The following STOX1 variants were observed in gnomAD, a reference collection of about 807,000 sequenced individuals.
The protein encoded by STOX1 is storkhead box 1.
Under a neutral mutation model 74.8 loss-of-function variants are expected in STOX1, and 57 were observed. The ratio of observed to expected loss-of-function variants is 0.76; its 90% confidence interval spans 0.62 to 0.95. The LOEUF is 0.95. Among genes scored for constraint, STOX1 ranks in the 40% least tolerant of loss-of-function variants. The pLI is 0.00. For missense variants in STOX1, 1,010 were observed against 1,117.0 expected (o/e 0.90, Z 1.37); for synonymous variants, 375 against 401.3 (o/e 0.93, Z 0.78).
intron 1 of STOX1, among the ~76,000 whole-genome samples, chr10:68,856,196 C>T (rs760926224): frequency 8.5e-5 from 13 of 152,096 alleles, no homozygotes; most frequent in African/African-American, 2.7e-4. Flanking sequence ...AGGTGTGAGC[C>T]ACTGCACCTG....
intron 1 of STOX1, among the ~76,000 whole-genome samples, chr10:68,858,023 G>C (rs1468289440): frequency 6.6e-6 from 1 of 152,104 alleles, no homozygotes; most frequent in Non-Finnish European, 1.5e-5. Context: ...AGATGTTGGA[G>C]CTCCTTTTCT....
intron 1 of STOX1, among the ~76,000 whole-genome samples, chr10:68,881,117 G>T (rs1201986643): frequency 6.6e-6 from 1 of 152,102 alleles, no homozygotes; most frequent in African/African-American, 2.4e-5. Context: ...TTGATTCCCA[G>T]ATCTCTTTCC....
In STOX1 at chr10:68,885,302, C is replaced by T. The variant is rs200280166; in HGVS notation, c.1506C>T (p.His502=). The T allele has an allele frequency of 9.8e-5, 158 of 1,614,182 alleles. No individual in the cohort carries two copies. Among genetic ancestry groups the T allele is most frequent in the East Asian group, 1.8e-4 (8 of 44,886 alleles). The change falls in exon 3 of 4, where the codon CAC becomes CAT. Residue 502 remains histidine (H), a synonymous_variant. Transcript: ENST00000298596. The stretch of plus-strand genomic sequence containing the variant: ...GTAATCCTTTCCAGGGTTTGTCTCA[C>T]CGAGGAAGCACAATATCCAAAGGGC... ...RISNPFQGLS[H]RGSTISKGHK...
intron 1 of STOX1, among the ~76,000 whole-genome samples, chr10:68,870,566 G>A (rs1335004799): frequency 6.6e-6 from 1 of 152,162 alleles, no homozygotes; most frequent in Non-Finnish European, 1.5e-5. Context: ...TTAGGTTATG[G>A]ACATTAAATT....
chr10:68,880,164 C>CTTTTTTTTTTTTTTTTTTTTTTT (rs71028800), intron 1 of STOX1, among the ~76,000 whole-genome samples: 12 of 124,414 alleles, frequency 9.6e-5, no homozygotes, highest in African/African-American at 1.7e-4. Flanking sequence ...TCTTTCTTTC[C>CTTTTTTTTTTTTTTTTTTTTTTT]TTTTTTTTTT....
chr10:68,843,954 G>A (rs1242847188), intron 1 of STOX1, among the ~76,000 whole-genome samples: 1 of 152,100 alleles, frequency 6.6e-6, no homozygotes, highest in East Asian at 2.0e-4. Flanking sequence ...GCCGAGGCGG[G>A]TGGATCACAA....
At chr10:68,894,128 C>T (rs1249560119), downstream of STOX1, among the ~76,000 whole-genome samples, 7 of 151,704 alleles carry the variant, frequency 4.6e-5, no homozygotes, top group African/African-American at 7.3e-5. Flanking sequence ...GGTGTAATCT[C>T]GGTTTACTGC....
intron 1 of STOX1, among the ~76,000 whole-genome samples, chr10:68,873,947 C>T (rs1200029081): frequency 1.5e-5 from 2 of 131,636 alleles, no homozygotes; most frequent in Admixed American, 7.9e-5. Flanking sequence ...CTGCACCCAG[C>T]GTTTTTGTTT....
At chr10:68,853,820 G>A (rs1694474) in intron 1 of STOX1, among the ~76,000 whole-genome samples, 12,387 of 151,466 alleles carry the variant, frequency 0.082, 557 homozygotes, top group Middle Eastern at 0.1. Flanking sequence ...CAAGTATCTC[G>A]GATTACAGGC....
rs768123753 is a variant in STOX1 at position 68,885,958 on chromosome 10, A to G, written c.2162A>G (p.Tyr721Cys). 2 of 1,614,224 alleles carry G rather than the reference A, an allele frequency of 1.2e-6. No individual in the cohort carries two copies. The highest frequency in any genetic ancestry group is 1.7e-6 in the Non-Finnish European group (2 of 1,180,036). The change falls in exon 3 of 4, where the codon TAT becomes TGT. Residue 721 changes from tyrosine (Y) to cysteine (C), a missense_variant. Physicochemically the swap from Tyr to Cys is radical, Grantham distance 194. Coordinates refer to ENST00000298596, the MANE Select transcript of STOX1 (RefSeq NM_152709.5). ...CTTTCTAACGATGACCAGGCCTTGT[A>G]TCAGAATGAAGTGGAAGATGATGAT... Reference protein sequence around the residue: ...EQLSNDDQALYQNEVEDDDGA... With the variant: ...EQLSNDDQALCQNEVEDDDGA...
chr10:68,880,928 G>A (rs1300330379), intron 1 of STOX1, among the ~76,000 whole-genome samples: 1 of 151,954 alleles, frequency 6.6e-6, no homozygotes, highest in Non-Finnish European at 1.5e-5. Flanking sequence ...TCCTGACCTC[G>A]GGTGATCCGC....
At position 68,886,634 on chromosome 10, in the gene STOX1, AG is replaced by A. The variant is rs759639674; in HGVS notation, c.2822+17del. On this transcript the variant is annotated intron_variant, in intron 3 of 3. Transcript: ENST00000298596. ...ATTCTCCACGGTAGGTCCATACAAA[AG>A]TGTCTGATTTAGGCCGGGCGCAGTG... The A allele has an allele frequency of 2.5e-6, 4 of 1,613,094 alleles. No individual in the cohort carries two copies. The African/African-American group carries it at 5.3e-5, about 21-fold the overall frequency.
intron 1 of STOX1, among the ~76,000 whole-genome samples, chr10:68,831,059 G>A (rs1349083947): frequency 2.0e-5 from 3 of 152,258 alleles, no homozygotes; most frequent in East Asian, 3.9e-4. Context: ...CCAGGAGGGC[G>A]GGGAAAGAGC....
chr10:68,842,604 G>A (rs1839721372), intron 1 of STOX1, among the ~76,000 whole-genome samples: 1 of 135,266 alleles, frequency 7.4e-6, no homozygotes, highest in Admixed American at 8.5e-5. Context: ...CCAGTGGCAC[G>A]ATCTCGGTTC....
chr10:68,848,082 T>G (rs909533888), intron 1 of STOX1, among the ~76,000 whole-genome samples: 9 of 152,198 alleles, frequency 5.9e-5, no homozygotes, highest in African/African-American at 2.2e-4. Flanking sequence ...TTGCTTGGAA[T>G]AGATCAAGTC....
intron 1 of STOX1, among the ~76,000 whole-genome samples, chr10:68,852,683 A>C (rs1840019214): frequency 6.6e-6 from 1 of 151,086 alleles, no homozygotes; most frequent in South Asian, 2.1e-4. Flanking sequence ...CCTGGGCTCA[A>C]GAGATATTCC....
intron 2 of STOX1, among the ~76,000 whole-genome samples, chr10:68,882,500 C>CTT (rs202110171): frequency 2.8e-5 from 4 of 141,480 alleles, no homozygotes; most frequent in Admixed American, 1.4e-4. Context: ...TAAATTGGAT[C>CTT]TTTTTTTTTT....
rs186213636 is a variant in STOX1 at position 68,863,876 on chromosome 10, A to T, written c.311-18082A>T. Among the ~76,000 whole-genome samples, 1,502 of 151,716 alleles carry T rather than the reference A, an allele frequency of 9.9e-3. 12 individuals are homozygous for T. The highest frequency in any genetic ancestry group is 0.017 in the Middle Eastern group (5 of 294). ...CTTTTTGAGCTGAAGTAATAGGCAT[A>T]TTAAAAGCAGTCAATACCTCTATTA... On this transcript the variant is annotated intron_variant, in intron 1 of 3. Coordinates refer to ENST00000298596, the MANE Select transcript of STOX1 (RefSeq NM_152709.5).
At chr10:68,880,179 T>G (rs1840780600) in intron 1 of STOX1, among the ~76,000 whole-genome samples, 1 of 150,578 alleles carries the variant, frequency 6.6e-6, no homozygotes, top group South Asian at 2.1e-4. Context: ...TTTTTTTTTT[T>G]TTTGTTTTTG....
Sources: gnomAD v4.1 joint callset for allele counts (sites outside exome capture counted in the v4.1 genomes callset) on GRCh38, gnomAD v4.1.1 for gene constraint, MANE v1.5 for transcripts, NCBI Gene and HGNC (gene_info 2026-07-23, HGNC 2026-07-21) for gene names.